The following REPS1 variants were observed in gnomAD, a reference collection of about 807,000 sequenced individuals.
The protein encoded by REPS1 is ralBP1-associated Eps domain-containing protein 1.
In REPS1, 39 loss-of-function variants were observed where a neutral mutation model predicts 100.9. That is an observed-to-expected ratio of 0.39 (90% confidence interval 0.30 to 0.50). REPS1 has a LOEUF of 0.50. Ranked by LOEUF, REPS1 falls within the 20% of genes least tolerant of loss-of-function variation. The pLI is 0.86. For missense variants in REPS1, 821 were observed against 968.5 expected, an observed-to-expected ratio of 0.85 and a Z score of 2.02; for synonymous variants, 324 against 340.3, an observed-to-expected ratio of 0.95 and a Z score of 0.53.
rs529276090 is a variant in REPS1, at chr6:138,921,399, C to T, written c.1339-275G>A. Among the ~76,000 whole-genome samples, 18 of 151,702 alleles carry T rather than the reference C, an allele frequency of 1.2e-4. No homozygotes were observed. In the East Asian group the frequency reaches 2.7e-3, roughly 23 times the overall value. ...TGAAGGCTGGGCACTGACGCTCACA[C>T]CTGTAATGCCAGCACTTTGGGAGGC... On this transcript the variant is annotated intron_variant, in intron 10 of 19. Coordinates refer to ENST00000450536, the MANE Select transcript of REPS1 (RefSeq NM_001286611.2).
chr6:138,949,344 G>C (rs1181445045), intron 1 of REPS1, among the ~76,000 whole-genome samples: 1 of 152,160 alleles, frequency 6.6e-6, no homozygotes, highest in African/African-American at 2.4e-5. Context: ...TTTTATATTT[G>C]TTAGCCATTT....
At chr6:138,975,864 A>G (rs969109721) in intron 1 of REPS1, among the ~76,000 whole-genome samples, 1 of 152,122 alleles carries the variant, frequency 6.6e-6, no homozygotes, top group African/African-American at 2.4e-5. Context: ...CAGAAATGGT[A>G]TTAGCTTCAG....
rs1782529419 is a variant in REPS1, at chr6:138,945,208, T to C, written c.628+11A>G. The C allele has an allele frequency of 6.3e-7, 1 of 1,592,246 alleles. No individual in the cohort carries two copies. Among genetic ancestry groups the C allele is most frequent in the Non-Finnish European group, 8.5e-7 (1 of 1,170,180 alleles). On this transcript the variant is annotated intron_variant, in intron 4 of 19. Transcript: ENST00000450536. ...ACACAATGACACTCTAATCAATCAA[T>C]CTCTAAATACCTGATTGTGCTTCAC...
At chr6:138,924,840 T>C (rs1301397702) in intron 10 of REPS1, among the ~76,000 whole-genome samples, 2 of 152,198 alleles carry the variant, frequency 1.3e-5, no homozygotes, top group East Asian at 1.9e-4. Context: ...TTGCCTTGTA[T>C]TTCTCCTACA....
intron 1 of REPS1, among the ~76,000 whole-genome samples, chr6:138,964,787 T>C (rs911752505): frequency 6.6e-6 from 1 of 152,008 alleles, no homozygotes; most frequent in Non-Finnish European, 1.5e-5. Context: ...AAAGTTCAAA[T>C]ATATATACAT....
chr6:138,964,899 G>A (rs1363975715), intron 1 of REPS1, among the ~76,000 whole-genome samples: 1 of 152,050 alleles, frequency 6.6e-6, no homozygotes, highest in Non-Finnish European at 1.5e-5. Context: ...TTAATATTTG[G>A]AGGGTAGAAT....
At chr6:138,919,166 C>T (rs1030435790) in intron 12 of REPS1, among the ~76,000 whole-genome samples, 47 of 152,258 alleles carry the variant, frequency 3.1e-4, no homozygotes, top group African/African-American at 1.1e-3. Flanking sequence ...CATGAAACCA[C>T]CCTTGACTCC....
chr6:138,916,673 A>T (rs1180005837), intron 13 of REPS1, among the ~76,000 whole-genome samples: 1 of 152,208 alleles, frequency 6.6e-6, no homozygotes, highest in African/African-American at 2.4e-5. Context: ...CAACCTATTA[A>T]GTTCTGGATT....
At chr6:138,978,478 TATC>T (rs1784728740) in intron 1 of REPS1, among the ~76,000 whole-genome samples, 1 of 108,416 alleles carries the variant, frequency 9.2e-6, no homozygotes, top group African/African-American at 6.4e-5. Context: ...TAATTTATTT[TATC>T]TTTTTTTTTT....
intron 1 of REPS1, among the ~76,000 whole-genome samples, chr6:138,964,218 TCCTA>T (rs1000044652): frequency 2.6e-5 from 4 of 152,052 alleles, no homozygotes; most frequent in Non-Finnish European, 5.9e-5. Flanking sequence ...GTTTTTTTTT[TCCTA>T]CCTTTCACCC....
At chr6:138,964,398 C>T (rs1205538322) in intron 1 of REPS1, among the ~76,000 whole-genome samples, 3 of 151,990 alleles carry the variant, frequency 2.0e-5, no homozygotes, top group Admixed American at 2.0e-4. Context: ...TTTTATAGAA[C>T]TTGAAAAATA....
intron 1 of REPS1, among the ~76,000 whole-genome samples, chr6:138,955,234 G>C (rs184252791): frequency 4.6e-5 from 7 of 152,118 alleles, no homozygotes; most frequent in Admixed American, 2.0e-4. Context: ...AGGATTGCTT[G>C]AGGCCAGCAT....
chr6:138,958,558 C>T (rs937751847), intron 1 of REPS1, among the ~76,000 whole-genome samples: 2 of 152,018 alleles, frequency 1.3e-5, no homozygotes, highest in African/African-American at 4.8e-5. Flanking sequence ...TATGTGTTCT[C>T]ACGGTTCAAC....
Position 138,908,228 on chromosome 6 carries a change from C to T in REPS1, c.2216+440G>A, listed in dbSNP as rs988110238. Among the ~76,000 whole-genome samples the T allele has an allele frequency of 2.6e-5, 4 of 152,172 alleles. 1 individual carries two copies. The highest frequency in any genetic ancestry group is 2.1e-4 in the South Asian group (1 of 4,802). On this transcript the variant is annotated intron_variant, in intron 18 of 19. Coordinates refer to ENST00000450536, the MANE Select transcript of REPS1 (RefSeq NM_001286611.2). ...GGGAAACATGGGAAGAATACCTACC[C>T]GTACATGAGGAGGCTCTGCTCAATT... is the stretch of plus-strand genomic sequence containing the variant.
In REPS1 at chr6:138,941,810, A is replaced by G. The variant is rs186954410; in HGVS notation, c.981-321T>C. ...CATGCATTTTTAGAAGGCATACGTAATAAGTTAGTGAAATTTTTCAAAAGT... is the reference window on the plus strand; with the variant it reads ...CATGCATTTTTAGAAGGCATACGTAGTAAGTTAGTGAAATTTTTCAAAAGT... On this transcript the variant is annotated intron_variant, in intron 7 of 19. Coordinates refer to ENST00000450536, the MANE Select transcript of REPS1 (RefSeq NM_001286611.2). 1.9e-4 allele frequency among the ~76,000 whole-genome samples: 29 copies of G among 152,346 alleles called. No homozygotes were observed. The East Asian group carries it at 4.8e-3, about 25-fold the overall frequency.
intron 1 of REPS1, among the ~76,000 whole-genome samples, chr6:138,973,042 G>A (rs1452383626): frequency 6.6e-6 from 1 of 152,092 alleles, no homozygotes; most frequent in South Asian, 2.1e-4. Context: ...AAACAAACAA[G>A]GCTAAAACTT....
chr6:138,953,957 A>G (rs1024700290), intron 1 of REPS1, among the ~76,000 whole-genome samples: 1 of 152,172 alleles, frequency 6.6e-6, no homozygotes, highest in Non-Finnish European at 1.5e-5. Context: ...CCAACAACAG[A>G]TGGGTGGATA....
At chr6:138,952,670 G>C (rs566972409) in intron 1 of REPS1, among the ~76,000 whole-genome samples, 3 of 152,090 alleles carry the variant, frequency 2.0e-5, no homozygotes, top group African/African-American at 7.2e-5. Context: ...AAAGTGCTAG[G>C]ATTACAGGCA....
intron 1 of REPS1, among the ~76,000 whole-genome samples, chr6:138,966,550 T>C (rs1490866180): frequency 6.6e-6 from 1 of 152,208 alleles, no homozygotes. Flanking sequence ...CTGAGAGAAC[T>C]GACCATACTT....
Sources: allele counts gnomAD v4.1 joint callset (sites outside exome capture counted in the v4.1 genomes callset), GRCh38; gene constraint gnomAD v4.1.1; transcripts MANE v1.5; gene names NCBI Gene and HGNC (gene_info 2026-07-23, HGNC 2026-07-21).